Variants in PALM3 observed in about 807,000 individuals in gnomAD.
The protein encoded by PALM3 is paralemmin 3.
In PALM3, 20 loss-of-function variants were observed where a neutral mutation model predicts 27.9. The ratio of observed to expected loss-of-function variants is 0.72; its 90% CI spans 0.50 to 1.04. The LOEUF is 1.04. PALM3 is among the 50% of genes least tolerant of loss of function. PALM3 has a pLI of 0.00. For missense variants in PALM3, 814 were observed against 869.4 expected (o/e 0.94, Z 0.80); for synonymous variants, 328 against 352.7 (o/e 0.93, Z 0.79).
intron 2 of PALM3, among the ~76,000 whole-genome samples, chr19:14,058,627 T>C (rs1293430968): frequency 1.3e-5 from 2 of 148,888 alleles, no homozygotes; most frequent in Non-Finnish European, 3.0e-5. Context: ...ATAGATGGGG[T>C]ATGTAAGTGC....
chr19:14,056,955 C>A, intron 3 of PALM3, 151 bp from the exon 4 acceptor site: 1 of 777,948 alleles, frequency 1.3e-6, no homozygotes. Context: ...GGCCACAGTG[C>A]CCCCCAACGC....
rs939705933 is a variant in PALM3 at position 14,055,110 on chromosome 19, C to G, written c.562G>C (p.Val188Leu). The G allele has an allele frequency of 1.9e-6, 3 of 1,551,596 alleles. No individual in the cohort carries two copies. The highest frequency in any genetic ancestry group is 2.6e-6 in the Non-Finnish European group (3 of 1,146,978). ...GAGGAGTCTCCTGCTGCCCCGGGGA[C>G]CTGCCTCGGGCCTGGCAGAAACCCC... ...VLGFLPGPRQ[V>L]PGAAGDSSEA... The change falls in exon 7 of 7, where the codon GTC (valine) becomes CTC (leucine). Residue 188 changes from valine (V) to leucine (L), a missense_variant. Physicochemically the swap from Val to Leu is conservative, Grantham distance 32 (BLOSUM62 1). Coordinates refer to ENST00000669674, the MANE Select transcript of PALM3 (RefSeq NM_001145028.2).
chr19:14,057,517 C>T (rs1976329099), intron 2 of PALM3, 86 bp from the exon 3 acceptor site: 1 of 1,126,894 alleles, frequency 8.9e-7, no homozygotes, highest in Non-Finnish European at 1.2e-6. Flanking sequence ...CCCTCCTCCG[C>T]GGGGCTCACC....
At chr19:14,055,750 A>G (rs1038006722) in intron 5 of PALM3, among the ~76,000 whole-genome samples, 2 of 152,130 alleles carry the variant, frequency 1.3e-5, no homozygotes, top group Admixed American at 1.3e-4. Context: ...CAACATAAAT[A>G]CAAATTAATT....
Position 14,056,726 on chromosome 19 carries a change from C to T in PALM3, c.250G>A (p.Asp84Asn), listed in dbSNP as rs947336587. Residue 84 changes from aspartate (D) to asparagine (N), a missense_variant, in exon 4 of 7, where the codon GAC becomes AAC. Asp to Asn is a conservative substitution (Grantham distance 23, BLOSUM62 1). Coordinates refer to ENST00000669674, the MANE Select transcript of PALM3 (RefSeq NM_001145028.2). The stretch of plus-strand genomic sequence containing the variant: ...GCCTGGCCCTCGGGTGACTGGGGGT[C>T]CTTCGAGGTGGGGTCTTCGGATGGC... ...PEPSEDPTSK[D>N]PQSPEGQAQA... is the part of the protein sequence containing the mutation. 2 of 1,551,614 alleles carry T rather than the reference C, an allele frequency of 1.3e-6. No homozygotes were observed. Among genetic ancestry groups the T allele is most frequent in the African/African-American group, 2.7e-5 (2 of 73,056 alleles).
chr19:14,054,849 T>C lies in PALM3; in HGVS notation c.823A>G (p.Ser275Gly), dbSNP rs1238792871. Reference sequence around the variant, plus strand: ...TTCACCCAGGCCGGGAGCTCCAGGCTACCAGCTCCCTTCCTGTCTCCGATG... The same window carrying C: ...TTCACCCAGGCCGGGAGCTCCAGGCCACCAGCTCCCTTCCTGTCTCCGATG... ...EAIGDRKGAG[S>G]LELPAWVKED... The change falls in exon 7 of 7, where the codon AGC becomes GGC. Residue 275 changes from serine to glycine, a missense_variant. Ser to Gly is a moderately conservative substitution (Grantham distance 56). Transcript: ENST00000669674. 8 of 1,548,444 alleles carry C rather than the reference T, an allele frequency of 5.2e-6. No individual in the cohort carries two copies. Among genetic ancestry groups the C allele is most frequent in the East Asian group, 2.4e-5 (1 of 40,846 alleles).
intron 5 of PALM3, 81 bp from the exon 6 acceptor site, chr19:14,055,506 C>A (rs1976289439): frequency 7.1e-6 from 10 of 1,415,612 alleles, no homozygotes; most frequent in Non-Finnish European, 9.7e-6. Context: ...CCCACCCCAC[C>A]ACCCCTAAAT....
chr19:14,056,272 G>A (rs1412593501), intron 5 of PALM3, among the ~76,000 whole-genome samples, 157 bp downstream of exon 5: 1 of 152,286 alleles, frequency 6.6e-6, no homozygotes, highest in East Asian at 1.9e-4. Context: ...AAATTGACTT[G>A]CCAAGACCAC....
intron 1 of PALM3, among the ~76,000 whole-genome samples, chr19:14,061,668 C>A (rs1452867663): frequency 6.6e-6 from 1 of 152,172 alleles, no homozygotes; most frequent in African/African-American, 2.4e-5. Context: ...AGTAGCCCCA[C>A]CCCCTGGCTG....
At position 14,057,848 on chromosome 19, in the gene PALM3, C is replaced by T. The variant is rs560089636; in HGVS notation, c.91-417G>A. ...TGCGGCCGTACGCGGTGGCTCACGCCTGTAATCCCAGGACTTTGGGAGACC... is the reference window on the plus strand; with the variant it reads ...TGCGGCCGTACGCGGTGGCTCACGCTTGTAATCCCAGGACTTTGGGAGACC... On this transcript the variant is annotated intron_variant, in intron 2 of 6. Coordinates refer to ENST00000669674, the MANE Select transcript of PALM3 (RefSeq NM_001145028.2). 6.6e-5 allele frequency among the ~76,000 whole-genome samples: 10 copies of T among 152,250 alleles called. No individual in the cohort carries two copies. The South Asian group carries it at 2.1e-3, about 32-fold the overall frequency.
intron 2 of PALM3, 133 bp from the exon 3 acceptor site, chr19:14,057,564 G>GGGGTGGCCCAGCGC: frequency 1.4e-6 from 1 of 705,402 alleles, no homozygotes; most frequent in Middle Eastern, 4.4e-4. Flanking sequence ...GAGCCCGGCG[G>GGGGTGGCCCAGCGC]GGGTGGCCCA....
At chr19:14,058,367 G>A (rs1169114312) in intron 2 of PALM3, among the ~76,000 whole-genome samples, 4 of 147,846 alleles carry the variant, frequency 2.7e-5, no homozygotes, top group African/African-American at 5.0e-5. Context: ...GGGGTGCAGG[G>A]AGATGGGGTT....
chr19:14,055,547 T>C (rs928349101), intron 5 of PALM3, 122 bp from the exon 6 acceptor site: 9 of 924,920 alleles, frequency 9.7e-6, no homozygotes, highest in Non-Finnish European at 1.5e-5. Flanking sequence ...ACCTTCAGGA[T>C]CAAACTCCAC....
intron 5 of PALM3, among the ~76,000 whole-genome samples, chr19:14,055,824 C>T (rs1018139968): frequency 2.0e-5 from 3 of 152,132 alleles, no homozygotes; most frequent in African/African-American, 7.2e-5. Flanking sequence ...AATCTCGGCT[C>T]ACTGCAACGT....
rs1451543835 is a variant in PALM3 at position 14,055,401 on chromosome 19, T to C, written c.424A>G (p.Ile142Val). The change falls in exon 6 of 7, where the codon ATT becomes GTT. Residue 142 changes from isoleucine to valine, a missense_variant. Coordinates refer to ENST00000669674, the MANE Select transcript of PALM3 (RefSeq NM_001145028.2). ...TTACCTACAGAACCTGCCTCGACAA[T>C]GGACTGGGAGAGAGGACGGTGACCC... ...RQGHRPLSQSIVEAGSVGQTD... is the reference protein window; with the variant it reads ...RQGHRPLSQSVVEAGSVGQTD... The C allele has an allele frequency of 6.5e-7, 1 of 1,548,984 alleles. No individual in the cohort carries two copies. The highest frequency in any genetic ancestry group is 8.7e-7 in the Non-Finnish European group (1 of 1,146,770).
Position 14,054,827 on chromosome 19 carries a change from A to G in PALM3, c.845T>C (p.Val282Ala), listed in dbSNP as rs1599307709. ...GAGSLELPAW[V>A]KEDRGIVEVV... ...CTCCACGATGCCCCTGTCCTCCTTC[A>G]CCCAGGCCGGGAGCTCCAGGCTACC... Residue 282 changes from valine (V) to alanine (A), a missense_variant, in exon 7 of 7, where the codon GTG (valine) becomes GCG (alanine). Transcript: ENST00000669674. The G allele has an allele frequency of 6.5e-7, 1 of 1,538,914 alleles. No individual in the cohort carries two copies. The highest frequency in any genetic ancestry group is 1.4e-5 in the African/African-American group (1 of 70,406).
rs1976264999 is a variant in PALM3 at position 14,054,678 on chromosome 19, C to T, written c.994G>A (p.Glu332Lys). The change falls in exon 7 of 7, where the codon GAA (glutamate) becomes AAA (lysine). Residue 332 changes from glutamate (E) to lysine (K), a missense_variant. Transcript: ENST00000669674. Reference protein sequence around the residue: ...QERLEAAASIEGEDVPQGSPE... With the variant: ...QERLEAAASIKGEDVPQGSPE... Reference sequence around the variant, plus strand: ...CTGCCCTGGGGCACATCTTCCCCTTCTATGGAAGCTGCTGCCTCTAATCTC... The same window carrying T: ...CTGCCCTGGGGCACATCTTCCCCTTTTATGGAAGCTGCTGCCTCTAATCTC... The T allele has an allele frequency of 6.4e-7, 1 of 1,551,342 alleles. No individual in the cohort carries two copies. Among genetic ancestry groups the T allele is most frequent in the East Asian group, 2.4e-5 (1 of 40,912 alleles).
rs368594654 is a variant in PALM3 at position 14,054,401 on chromosome 19, T to G, written c.1271A>C (p.Lys424Thr). ...CGCTTCATCCCTCCCTGTCCCTGGC[T>G]TTTCCTCACTTCCTATTCCCATGGA... ...EESMGIGSEE[K>T]PGTGRDEAEM... The change falls in exon 7 of 7, where the codon AAG becomes ACG. Residue 424 changes from lysine (K) to threonine (T), a missense_variant. By Grantham distance (78) the Lys-to-Thr change is moderately conservative. Transcript: ENST00000669674. 6.4e-6 allele frequency: 10 copies of G among 1,551,764 alleles called. No homozygotes were observed.
At position 14,059,715 on chromosome 19, in the gene PALM3, T is replaced by C. The variant is rs140366112; in HGVS notation, c.42-552A>G. On this transcript the variant is annotated intron_variant, in intron 1 of 6. Coordinates refer to ENST00000669674, the MANE Select transcript of PALM3 (RefSeq NM_001145028.2). ...TGGACCTCAGCTCCTACCCAGAATT[T>C]CTCAAGCGCTGGGGGGGCAAGCGAG... 4.7e-3 allele frequency among the ~76,000 whole-genome samples: 717 copies of C among 152,112 alleles called. 1 individual carries two copies. Among genetic ancestry groups the C allele is most frequent in the African/African-American group, 0.016 (684 of 41,484 alleles).
Sources: allele counts gnomAD v4.1 joint callset (sites outside exome capture counted in the v4.1 genomes callset), GRCh38; gene constraint gnomAD v4.1.1; transcripts MANE v1.5; gene names NCBI Gene and HGNC (gene_info 2026-07-23, HGNC 2026-07-21).